Variants in FHIT observed in about 807,000 individuals in gnomAD.
The protein encoded by FHIT is bis(5'-adenosyl)-triphosphatase.
A neutral mutation model predicts 17.9 loss-of-function variants in FHIT; 19 were observed. That is an observed-to-expected ratio of 1.06 (90% CI 0.74 to 1.56). The LOEUF is 1.56. Among genes scored for constraint, FHIT ranks in the 40% most tolerant of loss-of-function variants. The pLI is 0.00. For missense variants in FHIT, 248 were observed against 189.2 expected (o/e 1.31, Z -1.82); for synonymous variants, 81 against 69.7 (o/e 1.16, Z -0.81).
intron 5 of FHIT, among the ~76,000 whole-genome samples, chr3:60,078,516 G>C (rs767923667): frequency 6.6e-6 from 1 of 152,114 alleles, no homozygotes; most frequent in African/African-American, 2.4e-5. Flanking sequence ...TGAGATTAAA[G>C]AACACTAAAA....
chr3:60,761,596 C>A (rs1420319624), intron 4 of FHIT, among the ~76,000 whole-genome samples: 1 of 150,750 alleles, frequency 6.6e-6, no homozygotes, highest in Non-Finnish European at 1.5e-5. Flanking sequence ...CTAATACAAA[C>A]TGACACTATT....
At chr3:60,885,157 A>G (rs1575642789) in intron 3 of FHIT, among the ~76,000 whole-genome samples, 1 of 152,252 alleles carries the variant, frequency 6.6e-6, no homozygotes, top group Middle Eastern at 3.4e-3. Flanking sequence ...ATAGTTAACA[A>G]TAATTTGTTA....
At chr3:60,046,184 C>G (rs1171960805) in intron 5 of FHIT, among the ~76,000 whole-genome samples, 2 of 152,220 alleles carry the variant, frequency 1.3e-5, no homozygotes, top group Non-Finnish European at 2.9e-5. Context: ...AGCTGCTTTT[C>G]ACATGCTTCA....
intron 2 of FHIT, among the ~76,000 whole-genome samples, chr3:61,089,225 T>A (rs1357168667): frequency 6.6e-6 from 1 of 152,188 alleles, no homozygotes; most frequent in Non-Finnish European, 1.5e-5. Flanking sequence ...CATACTGTGG[T>A]AAGATATCCG....
intron 5 of FHIT, among the ~76,000 whole-genome samples, chr3:60,127,061 C>A (rs1705584559): frequency 1.3e-5 from 2 of 152,190 alleles, no homozygotes; most frequent in South Asian, 2.1e-4. Context: ...TTCAGGCCTG[C>A]CTGGTGAGAT....
chr3:60,279,721 A>T (rs547013908), intron 5 of FHIT, among the ~76,000 whole-genome samples: 25 of 152,276 alleles, frequency 1.6e-4, no homozygotes, highest in African/African-American at 6.0e-4. Flanking sequence ...TATATACTAC[A>T]ACTAGGATTT....
At chr3:59,815,534 A>G (rs1167831748) in intron 8 of FHIT, among the ~76,000 whole-genome samples, 1 of 152,100 alleles carries the variant, frequency 6.6e-6, no homozygotes, top group Non-Finnish European at 1.5e-5. Flanking sequence ...TATATATACA[A>G]TGGACTACTA....
intron 5 of FHIT, among the ~76,000 whole-genome samples, chr3:60,531,480 G>A (rs373287612): frequency 6.6e-6 from 1 of 151,682 alleles, no homozygotes; most frequent in East Asian, 1.9e-4. Flanking sequence ...GGGTTTCACC[G>A]TGTTAGCCAG....
At chr3:60,472,277 G>A (rs1337227996) in intron 5 of FHIT, among the ~76,000 whole-genome samples, 6 of 151,460 alleles carry the variant, frequency 4.0e-5, no homozygotes, top group Admixed American at 6.6e-5. Context: ...TTATTACTTC[G>A]AACTGTATGC....
chr3:60,290,676 T>C (rs1238436505), intron 5 of FHIT, among the ~76,000 whole-genome samples: 1 of 152,200 alleles, frequency 6.6e-6, no homozygotes, highest in Non-Finnish European at 1.5e-5. Flanking sequence ...TTCCAAAGCC[T>C]GTGCTTCATT....
chr3:60,610,119 C>G (rs538001209), intron 4 of FHIT, among the ~76,000 whole-genome samples: 1 of 152,086 alleles, frequency 6.6e-6, no homozygotes, highest in South Asian at 2.1e-4. Context: ...CTGCTTGTGT[C>G]AAAATTATAC....
chr3:60,500,304 C>T (rs1259466809), intron 5 of FHIT, among the ~76,000 whole-genome samples: 2 of 152,106 alleles, frequency 1.3e-5, no homozygotes, highest in African/African-American at 4.8e-5. Context: ...AGTTTGCTAG[C>T]TCCTGGTCTA....
chr3:61,062,053 C>G (rs1276896624), intron 2 of FHIT, among the ~76,000 whole-genome samples: 2 of 152,032 alleles, frequency 1.3e-5, no homozygotes, highest in Admixed American at 6.6e-5. Flanking sequence ...ACATATAATA[C>G]TATATATAAT....
Position 60,377,494 on chromosome 3 carries a change from A to G in FHIT, c.103+159366T>C, listed in dbSNP as rs1418592050. Among the ~76,000 whole-genome samples the G allele has an allele frequency of 9.9e-4, 35 of 35,338 alleles. 2 individuals carry two copies. The highest frequency in any genetic ancestry group is 3.9e-3 in the African/African-American group (33 of 8,514). 23.2% of individuals were successfully genotyped at this position (35,338 alleles called of 152,430 possible). ...TTTTTTTTTTTTTTTTTTTTTTTTG[A>G]GACGGAGTCTCGCTCTGTCGCCCAG... On this transcript the variant is annotated intron_variant, in intron 5 of 9. Coordinates refer to ENST00000492590, the MANE Select transcript of FHIT (RefSeq NM_002012.4).
intron 4 of FHIT, among the ~76,000 whole-genome samples, chr3:60,801,608 C>T (rs1553732308): frequency 2.0e-5 from 3 of 152,234 alleles, no homozygotes; most frequent in Admixed American, 2.0e-4. Context: ...TTAGGCACGT[C>T]ATGTGACCTT....
At chr3:60,416,192 T>TC (rs1316806627) in intron 5 of FHIT, among the ~76,000 whole-genome samples, 1 of 151,800 alleles carries the variant, frequency 6.6e-6, no homozygotes, top group Non-Finnish European at 1.5e-5. Context: ...ATCACAAAAT[T>TC]CCCCATAAGA....
intron 5 of FHIT, among the ~76,000 whole-genome samples, chr3:60,050,768 TCC>T (rs1172240181): frequency 6.6e-6 from 1 of 152,208 alleles, no homozygotes; most frequent in Non-Finnish European, 1.5e-5. Flanking sequence ...GAGACCTAGA[TCC>T]AGGCATCTCC....
chr3:59,909,804 C>T (rs1420753566), intron 8 of FHIT, among the ~76,000 whole-genome samples: 2 of 152,206 alleles, frequency 1.3e-5, no homozygotes, highest in Non-Finnish European at 2.9e-5. Flanking sequence ...CACAGGATGT[C>T]TGCTCTTAAA....
At chr3:61,117,921 A>G (rs568097354) in intron 2 of FHIT, among the ~76,000 whole-genome samples, 24 of 152,320 alleles carry the variant, frequency 1.6e-4, no homozygotes, top group Admixed American at 1.2e-3. Flanking sequence ...TGCGAGTGGC[A>G]AACAGGATGG....
Sources: allele counts gnomAD v4.1 joint callset (sites outside exome capture counted in the v4.1 genomes callset), GRCh38; gene constraint gnomAD v4.1.1; transcripts MANE v1.5; gene names NCBI Gene and HGNC (gene_info 2026-07-23, HGNC 2026-07-21).